The following NELL1 variants were observed in gnomAD, a reference collection of about 807,000 sequenced individuals.
NELL1 encodes the protein protein kinase C-binding protein NELL1.
A neutral mutation model predicts 107.4 loss-of-function variants in NELL1; 76 were observed. The observed-to-expected ratio is 0.71, with a 90% CI of 0.59 to 0.86. The LOEUF (loss-of-function observed/expected upper bound fraction) is 0.86, where lower values mean the gene tolerates loss of function less well. Ranked by LOEUF, NELL1 falls within the 40% of genes least tolerant of loss-of-function variation. NELL1 has a pLI of 0.00. For synonymous variants in NELL1, 353 were observed against 341.2 expected (o/e 1.03, Z -0.38); for missense variants, 1,024 against 1,005.5 (o/e 1.02, Z -0.25).
chr11:21,077,568 C>A (rs922207700), intron 12 of NELL1, among the ~76,000 whole-genome samples: 1 of 151,890 alleles, frequency 6.6e-6, no homozygotes, highest in Non-Finnish European at 1.5e-5. Flanking sequence ...CATGGTGAAA[C>A]CCTGTCTCTA....
intron 14 of NELL1, among the ~76,000 whole-genome samples, chr11:21,322,051 C>T (rs1299168712): frequency 6.6e-6 from 1 of 152,150 alleles, no homozygotes; most frequent in Admixed American, 6.6e-5. Flanking sequence ...TGCTTACTTT[C>T]TGGGAGATGT....
At chr11:21,318,611 C>T (rs1849932733) in intron 14 of NELL1, among the ~76,000 whole-genome samples, 1 of 152,170 alleles carries the variant, frequency 6.6e-6, no homozygotes, top group South Asian at 2.1e-4. Flanking sequence ...ATCAATTAAA[C>T]ATTTATTTAT....
chr11:20,890,597 G>C (rs1348022648), intron 5 of NELL1, among the ~76,000 whole-genome samples: 1 of 152,036 alleles, frequency 6.6e-6, no homozygotes, highest in African/African-American at 2.4e-5. Flanking sequence ...CCAATGCAAG[G>C]AAGCTAAGAA....
At chr11:20,789,498 G>T (rs1857034106) in intron 3 of NELL1, among the ~76,000 whole-genome samples, 1 of 152,204 alleles carries the variant, frequency 6.6e-6, no homozygotes. Context: ...CTGGCTCGGG[G>T]AGCCCAGGTC....
chr11:21,260,389 C>T (rs1382714687), intron 14 of NELL1: 1 of 151,770 alleles, frequency 6.6e-6, no homozygotes, highest in Middle Eastern at 3.2e-3. Context: ...ATTAGGTGTC[C>T]CTTTGTATAA....
Position 21,018,938 on chromosome 11 carries a change from C to G in NELL1, c.1300+58378C>G, listed in dbSNP as rs553235597. 5.3e-5 allele frequency among the ~76,000 whole-genome samples: 8 copies of G among 152,222 alleles called. No individual in the cohort carries two copies. The East Asian group carries it at 1.4e-3, about 26-fold the overall frequency. On this transcript the variant is annotated intron_variant, in intron 12 of 19. Transcript: ENST00000357134. ...TTAAGTATTCCTAATGTTTGGACAT[C>G]TCCCACTCCACTCAAGATGATTTAG... is the stretch of plus-strand genomic sequence containing the variant.
intron 17 of NELL1, among the ~76,000 whole-genome samples, chr11:21,564,289 G>A (rs1564963273): frequency 6.6e-6 from 1 of 151,922 alleles, no homozygotes; most frequent in Non-Finnish European, 1.5e-5. Flanking sequence ...CATCTAATGG[G>A]AGAAAATGCA....
At chr11:21,171,747 A>G (rs966691725) in intron 13 of NELL1, among the ~76,000 whole-genome samples, 2 of 151,810 alleles carry the variant, frequency 1.3e-5, no homozygotes, top group African/African-American at 2.4e-5. Context: ...GAAATTCCCT[A>G]TATTAAATTC....
chr11:21,480,415 C>T (rs1854463151), intron 15 of NELL1, among the ~76,000 whole-genome samples: 1 of 152,126 alleles, frequency 6.6e-6, no homozygotes, highest in Non-Finnish European at 1.5e-5. Flanking sequence ...GGAAGAAGGG[C>T]AATTTCCCTG....
intron 2 of NELL1, among the ~76,000 whole-genome samples, chr11:20,694,748 G>A (rs1248861130): frequency 6.6e-6 from 1 of 152,006 alleles, no homozygotes; most frequent in Non-Finnish European, 1.5e-5. Context: ...TGCTCTTTCT[G>A]CTTAAGATTG....
intron 12 of NELL1, among the ~76,000 whole-genome samples, chr11:20,986,881 T>C (rs1295665457): frequency 6.6e-6 from 1 of 152,230 alleles, no homozygotes; most frequent in Admixed American, 6.5e-5. Context: ...ACGTCAATTT[T>C]ATAATCTTCA....
intron 13 of NELL1, among the ~76,000 whole-genome samples, chr11:21,202,666 A>G (rs1022426732): frequency 1.2e-4 from 18 of 152,020 alleles, no homozygotes; most frequent in African/African-American, 4.1e-4. Flanking sequence ...ATCTTCTGCT[A>G]GCTTTTGGAT....
At chr11:21,094,432 G>A (rs561109072) in intron 12 of NELL1, among the ~76,000 whole-genome samples, 19 of 152,186 alleles carry the variant, frequency 1.2e-4, no homozygotes, top group Non-Finnish European at 2.5e-4. Flanking sequence ...CTGGAGGATG[G>A]TGTGGCGCTC....
chr11:20,874,187 A>G (rs1849260310), intron 4 of NELL1, among the ~76,000 whole-genome samples: 1 of 151,640 alleles, frequency 6.6e-6, no homozygotes, highest in South Asian at 2.1e-4. Flanking sequence ...CCTGCCTCAG[A>G]CTCCCGAGTA....
chr11:20,776,519 T>C (rs1215136764), intron 2 of NELL1, among the ~76,000 whole-genome samples: 1 of 152,016 alleles, frequency 6.6e-6, no homozygotes, highest in Non-Finnish European at 1.5e-5. Context: ...CACATGTAAA[T>C]GATTCTATAC....
At chr11:20,839,087 T>G (rs1389771131) in intron 3 of NELL1, among the ~76,000 whole-genome samples, 1 of 152,132 alleles carries the variant, frequency 6.6e-6, no homozygotes, top group Non-Finnish European at 1.5e-5. Flanking sequence ...ATTCTGCCAC[T>G]AATTTTATTT....
chr11:21,320,413 G>C (rs754051296), intron 14 of NELL1, among the ~76,000 whole-genome samples: 12 of 152,112 alleles, frequency 7.9e-5, no homozygotes, highest in Non-Finnish European at 5.9e-5. Flanking sequence ...TGATAGAGAG[G>C]CACTAACAGC....
At chr11:20,982,431 C>T (rs2134245632) in intron 12 of NELL1, among the ~76,000 whole-genome samples, 1 of 152,268 alleles carries the variant, frequency 6.6e-6, no homozygotes, top group East Asian at 1.9e-4. Context: ...GTGGAGCAAA[C>T]ACTGAACTGA....
chr11:21,446,000 A>G (rs1289284040), intron 15 of NELL1, among the ~76,000 whole-genome samples: 2 of 151,446 alleles, frequency 1.3e-5, no homozygotes, highest in Admixed American at 6.6e-5. Context: ...TTTTGAGACT[A>G]TTTTCTAGAT....
Sources: allele counts gnomAD v4.1 joint callset (sites outside exome capture counted in the v4.1 genomes callset), GRCh38; gene constraint gnomAD v4.1.1; transcripts MANE v1.5; gene names NCBI Gene and HGNC (gene_info 2026-07-23, HGNC 2026-07-21).